PTPRE: variants seen among roughly 807,000 people sequenced by gnomAD.
The protein encoded by PTPRE is receptor-type tyrosine-protein phosphatase epsilon.
PTPRE carries 51 observed loss-of-function variants against 102.0 expected under a neutral mutation model. The observed-to-expected ratio is 0.50, with a 90% CI of 0.40 to 0.63. PTPRE has a LOEUF of 0.63. PTPRE is among the 30% of genes least tolerant of loss of function. The probability of loss-of-function intolerance (pLI) is 0.00; values close to 1 mark genes in which losing one functional copy is unlikely to be tolerated. For missense variants in PTPRE, 752 were observed against 915.1 expected, an observed-to-expected ratio of 0.82 and a Z score of 2.30; for synonymous variants, 345 against 348.2, an observed-to-expected ratio of 0.99 and a Z score of 0.10.
intron 1 of PTPRE, among the ~76,000 whole-genome samples, chr10:127,970,795 C>A (rs1429486248): frequency 2.0e-5 from 3 of 151,452 alleles, no homozygotes; most frequent in Non-Finnish European, 4.4e-5. Context: ...CCCCTTGTTA[C>A]TATGGAAGAT....
intron 6 of PTPRE, among the ~76,000 whole-genome samples, chr10:128,051,920 G>A (rs1226079938): frequency 1.3e-5 from 2 of 152,180 alleles, no homozygotes; most frequent in East Asian, 3.8e-4. Flanking sequence ...CTGGAGTGCA[G>A]GGGCCTGATC....
At chr10:127,983,459 A>C (rs1355234590) in intron 2 of PTPRE, among the ~76,000 whole-genome samples, 1 of 152,204 alleles carries the variant, frequency 6.6e-6, no homozygotes, top group Non-Finnish European at 1.5e-5. Context: ...GAATCATATT[A>C]TGGGATGGAG....
chr10:127,956,750 G>A (rs1010681634), intron 1 of PTPRE, among the ~76,000 whole-genome samples: 12 of 152,164 alleles, frequency 7.9e-5, no homozygotes, highest in African/African-American at 2.9e-4. Context: ...CAGTGTTCCG[G>A]ATTTTGGCTA....
chr10:127,982,570 T>C (rs140772206), intron 2 of PTPRE, among the ~76,000 whole-genome samples: 6,525 of 151,780 alleles, frequency 0.043, 225 homozygotes, highest in Admixed American at 0.09. Flanking sequence ...AATGTATTGT[T>C]GAGGACACAA....
At chr10:128,076,347 C>T (rs1033539010) in intron 17 of PTPRE, among the ~76,000 whole-genome samples, 1 of 152,100 alleles carries the variant, frequency 6.6e-6, no homozygotes, top group African/African-American at 2.4e-5. Context: ...CCAATTTTTC[C>T]AGCCCCACAT....
At chr10:127,977,487 C>T (rs1169466419) in intron 1 of PTPRE, among the ~76,000 whole-genome samples, 2 of 152,202 alleles carry the variant, frequency 1.3e-5, no homozygotes, top group Non-Finnish European at 2.9e-5. Flanking sequence ...CACTCAGCAA[C>T]CTACATTCTG....
At chr10:127,935,979 G>T (rs184846984) in intron 1 of PTPRE, 37 of 152,314 alleles carry the variant, frequency 2.4e-4, no homozygotes, top group African/African-American at 8.4e-4. Flanking sequence ...TTCCTAATGT[G>T]CAGGTGACGA....
chr10:128,012,631 C>G (rs934078254), intron 2 of PTPRE, among the ~76,000 whole-genome samples: 28 of 152,218 alleles, frequency 1.8e-4, no homozygotes, highest in African/African-American at 6.5e-4. Context: ...ATGGACGAGG[C>G]ATCATTTCCT....
chr10:128,034,816 A>G (rs1847077773), intron 2 of PTPRE, among the ~76,000 whole-genome samples: 1 of 152,256 alleles, frequency 6.6e-6, no homozygotes, highest in African/African-American at 2.4e-5. Flanking sequence ...TAAAAATTAA[A>G]ACATGAATAA....
At chr10:128,068,473 C>T in intron 12 of PTPRE, 187 bp downstream of exon 12, 1 of 539,106 alleles carries the variant, frequency 1.9e-6, no homozygotes. Flanking sequence ...CAGAGAGCCC[C>T]CTCTTCATCC....
chr10:128,051,807 C>T, intron 6 of PTPRE, among the ~76,000 whole-genome samples: 1 of 152,118 alleles, frequency 6.6e-6, no homozygotes, highest in Non-Finnish European at 1.5e-5. Flanking sequence ...GTCAGGATCA[C>T]GGAGCCTGAT....
chr10:128,036,052 G>A (rs1206631292), intron 2 of PTPRE, among the ~76,000 whole-genome samples: 1 of 152,040 alleles, frequency 6.6e-6, no homozygotes, highest in Non-Finnish European at 1.5e-5. Context: ...GGAGAGAGAG[G>A]GGACCACTCC....
chr10:127,962,021 A>G (rs183965826), intron 1 of PTPRE, among the ~76,000 whole-genome samples: 139 of 152,286 alleles, frequency 9.1e-4, no homozygotes, highest in Non-Finnish European at 2.9e-4. Flanking sequence ...TTCTCTGGGT[A>G]TTACTGGGCT....
Position 127,998,744 on chromosome 10 carries a change from G to A in PTPRE, c.-8+16448G>A, listed in dbSNP as rs538892396. 2.6e-5 allele frequency: 4 copies of A among 152,214 alleles called. No individual in the cohort carries two copies. The East Asian group carries it at 7.7e-4, about 29-fold the overall frequency. 9.4% of individuals were successfully genotyped at this position (152,214 alleles called of 1,614,324 possible). ...CTACTGGTGCACCTTTGTAAGACCT[G>A]CACTAACGACCGCGCCACTGGGAAG... is the stretch of plus-strand genomic sequence containing the variant. On this transcript the variant is annotated intron_variant, in intron 2 of 20. Coordinates refer to ENST00000254667, the MANE Select transcript of PTPRE (RefSeq NM_006504.6).
At chr10:128,034,411 G>T (rs1218504915) in intron 2 of PTPRE, among the ~76,000 whole-genome samples, 1 of 152,004 alleles carries the variant, frequency 6.6e-6, no homozygotes, top group African/African-American at 2.4e-5. Context: ...TTATGGCTGG[G>T]CATGGTGGTG....
intron 1 of PTPRE, among the ~76,000 whole-genome samples, chr10:127,926,700 AG>A (rs1367677217): frequency 2.0e-5 from 3 of 151,832 alleles, no homozygotes; most frequent in Non-Finnish European, 2.9e-5. Context: ...GACGCCTAGC[AG>A]GGGAGGAACT....
intron 1 of PTPRE, among the ~76,000 whole-genome samples, chr10:127,966,356 G>A (rs56056330): frequency 0.052 from 7,878 of 152,234 alleles, 258 homozygotes; most frequent in Middle Eastern, 0.078. Flanking sequence ...GGAAAGATGG[G>A]AAGTTTCTCA....
At chr10:128,004,282 T>C (rs181481760) in intron 2 of PTPRE, among the ~76,000 whole-genome samples, 48 of 151,826 alleles carry the variant, frequency 3.2e-4, no homozygotes, top group Middle Eastern at 3.4e-3. Flanking sequence ...TTATCTTTAT[T>C]GAGGTAAAAT....
chr10:128,075,965 C>T (rs1012655011), intron 17 of PTPRE, among the ~76,000 whole-genome samples: 1 of 152,096 alleles, frequency 6.6e-6, no homozygotes, highest in East Asian at 1.9e-4. Context: ...TTATGTATTG[C>T]AAACATCTTA....
Sources: gnomAD v4.1 joint callset for allele counts (sites outside exome capture counted in the v4.1 genomes callset) on GRCh38, gnomAD v4.1.1 for gene constraint, MANE v1.5 for transcripts, NCBI Gene and HGNC (gene_info 2026-07-23, HGNC 2026-07-21) for gene names.